The following SHB variants were observed in gnomAD, a reference collection of about 807,000 sequenced individuals.
The protein encoded by SHB is SH2 domain containing adaptor protein B, also known as SH2 domain-containing adapter protein B.
SHB carries 20 observed loss-of-function variants against 52.3 expected under a neutral mutation model. That is an observed-to-expected ratio of 0.38 (90% CI 0.27 to 0.56). The LOEUF is 0.56. SHB is among the 20% of genes least tolerant of loss of function. SHB has a pLI of 0.71. For synonymous variants in SHB, 397 were observed against 316.5 expected, an observed-to-expected ratio of 1.25 and a Z score of -2.70; for missense variants, 825 against 723.3, an observed-to-expected ratio of 1.14 and a Z score of -1.61.
At chr9:37,939,399 T>C (rs901983992) in intron 5 of SHB, among the ~76,000 whole-genome samples, 11 of 152,226 alleles carry the variant, frequency 7.2e-5, no homozygotes, top group African/African-American at 2.7e-4. Flanking sequence ...CTGTTTCCTC[T>C]TCTGTAAAGT....
intron 5 of SHB, among the ~76,000 whole-genome samples, chr9:37,947,577 C>T (rs1832507207): frequency 6.6e-6 from 1 of 152,360 alleles, no homozygotes; most frequent in African/African-American, 2.4e-5. Flanking sequence ...GCCTGCCGCC[C>T]TCCTGACTCT....
At chr9:38,061,023 C>T (rs188056436) in intron 1 of SHB, among the ~76,000 whole-genome samples, 4 of 152,328 alleles carry the variant, frequency 2.6e-5, no homozygotes, top group African/African-American at 9.6e-5. Flanking sequence ...ACGACCACCA[C>T]CTTTGTCCTG....
At chr9:38,018,554 G>C (rs1821246039) in intron 1 of SHB, among the ~76,000 whole-genome samples, 1 of 151,942 alleles carries the variant, frequency 6.6e-6, no homozygotes, top group African/African-American at 2.4e-5. Context: ...AAGCAAATTG[G>C]AAAGTTCCTA....
chr9:38,038,233 C>G (rs1821514919), intron 1 of SHB, among the ~76,000 whole-genome samples: 1 of 152,184 alleles, frequency 6.6e-6, no homozygotes. Flanking sequence ...CAGGCGTGGT[C>G]AGGTCAGGCG....
At chr9:37,953,368 C>T (rs1832589047) in intron 4 of SHB, among the ~76,000 whole-genome samples, 1 of 151,732 alleles carries the variant, frequency 6.6e-6, no homozygotes. Context: ...AGTTCCTGCC[C>T]TCATGGAGTT....
Position 37,917,181 on chromosome 9 carries a change from T to C in SHB, c.*2640A>G, listed in dbSNP as rs549443742. On this transcript the variant is annotated 3_prime_UTR_variant, in exon 6 of 6. Coordinates refer to ENST00000377707, the MANE Select transcript of SHB (RefSeq NM_003028.3). Reference sequence around the variant, plus strand: ...AGGCTGACACAGGAAACGGTCACAATTAGAGGAAGAAGAGGGAGAGGTTCA... The same window carrying C: ...AGGCTGACACAGGAAACGGTCACAACTAGAGGAAGAAGAGGGAGAGGTTCA... Among the ~76,000 whole-genome samples the C allele has an allele frequency of 6.6e-6, 1 of 151,974 alleles. No individual in the cohort carries two copies.
chr9:37,975,659 C>T (rs991559332), intron 2 of SHB, among the ~76,000 whole-genome samples: 1 of 152,174 alleles, frequency 6.6e-6, no homozygotes, highest in Non-Finnish European at 1.5e-5. Flanking sequence ...TCAGGCACTT[C>T]CCAGTCAAAC....
intron 2 of SHB, among the ~76,000 whole-genome samples, chr9:37,976,170 G>A (rs1325391940): frequency 6.6e-6 from 1 of 152,082 alleles, no homozygotes; most frequent in East Asian, 1.9e-4. Flanking sequence ...CAAATAGCTA[G>A]GAGCACAAAT....
intron 1 of SHB, among the ~76,000 whole-genome samples, chr9:38,052,930 T>C (rs1821769434): frequency 1.3e-5 from 2 of 152,210 alleles, no homozygotes; most frequent in Non-Finnish European, 1.5e-5. Context: ...CCATGCTGCC[T>C]CCTCCATGAA....
chr9:38,009,226 T>C (rs80312074), intron 2 of SHB, among the ~76,000 whole-genome samples: 1,986 of 152,306 alleles, frequency 0.013, 43 homozygotes, highest in African/African-American at 0.045. Flanking sequence ...AATGGTGTCC[T>C]GTCTGTCCTG....
chr9:37,971,990 G>A lies in SHB; in HGVS notation c.1054+2632C>T, dbSNP rs139577002. On this transcript the variant is annotated intron_variant, in intron 3 of 5. Transcript: ENST00000377707. ...GACTCATAGGCCTGGGATGGGACCT[G>A]AGACCCTGCATTTCTAACCAGCACT... Among the ~76,000 whole-genome samples the A allele has an allele frequency of 8.8e-3, 1,341 of 152,298 alleles. 10 individuals are homozygous for A. The highest frequency in any genetic ancestry group is 0.031 in the Middle Eastern group (9 of 294).
At position 38,054,151 on chromosome 9, in the gene SHB, C is replaced by T. The variant is rs555701918; in HGVS notation, c.717+13778G>A. 5.9e-5 allele frequency among the ~76,000 whole-genome samples: 9 copies of T among 152,330 alleles called. No homozygotes were observed. The East Asian group carries it at 1.3e-3, about 23-fold the overall frequency. On this transcript the variant is annotated intron_variant, in intron 1 of 5. Coordinates refer to ENST00000377707, the MANE Select transcript of SHB (RefSeq NM_003028.3). ...GGCTAGGATTTGAGCTCTGGACTTC[C>T]GACCCTAAAGCCAGTGAGTGTTTCA...
rs182335988 is a variant in SHB, at chr9:37,982,330, T to C, written c.839-7493A>G. The stretch of plus-strand genomic sequence containing the variant: ...CAACATGGTAAAACCCCGTCTCTAC[T>C]AAAAATACAAAAATTAGAGGGGTGT... On this transcript the variant is annotated intron_variant, in intron 2 of 5. Coordinates refer to ENST00000377707, the MANE Select transcript of SHB (RefSeq NM_003028.3). 3.2e-3 allele frequency among the ~76,000 whole-genome samples: 479 copies of C among 152,006 alleles called. 3 individuals carry two copies. Among genetic ancestry groups the C allele is most frequent in the Middle Eastern group, 0.01 (3 of 294 alleles).
At chr9:38,011,209 C>G (rs1238180921) in intron 2 of SHB, among the ~76,000 whole-genome samples, 2 of 152,182 alleles carry the variant, frequency 1.3e-5, no homozygotes, top group Non-Finnish European at 2.9e-5. Flanking sequence ...GTGAAGCTAG[C>G]TGCCTGATCA....
intron 1 of SHB, among the ~76,000 whole-genome samples, chr9:38,060,974 T>C (rs1259580878): frequency 6.6e-6 from 1 of 152,146 alleles, no homozygotes; most frequent in African/African-American, 2.4e-5. Flanking sequence ...TAGCAATTGC[T>C]CAGTCAGCAC....
rs76289757 is a variant in SHB, at chr9:38,030,601, G to A, written c.718-14470C>T. ...TATAGTTTCCAGGGCTAGCTTCACA[G>A]GTGAGTGGCCTGTGCAGTCGCAAAA... is the stretch of plus-strand genomic sequence containing the variant. On this transcript the variant is annotated intron_variant, in intron 1 of 5. Coordinates refer to ENST00000377707, the MANE Select transcript of SHB (RefSeq NM_003028.3). 7.8e-3 allele frequency among the ~76,000 whole-genome samples: 1,185 copies of A among 152,270 alleles called. 18 individuals are homozygous for A. Among genetic ancestry groups the A allele is most frequent in the African/African-American group, 0.028 (1,153 of 41,550 alleles).
chr9:37,987,397 G>A (rs1241666172), intron 2 of SHB, among the ~76,000 whole-genome samples: 1 of 152,192 alleles, frequency 6.6e-6, no homozygotes, highest in African/African-American at 2.4e-5. Flanking sequence ...GAAGCAGTCT[G>A]GCTCCAAAGT....
chr9:38,068,255 A>G lies in SHB; in HGVS notation c.391T>C (p.Ser131Pro), dbSNP rs1389263098. 2 of 1,435,932 alleles carry G rather than the reference A, an allele frequency of 1.4e-6. No individual in the cohort carries two copies. The highest frequency in any genetic ancestry group is 3.0e-5 in the African/African-American group (2 of 66,826). 88.9% of individuals were successfully genotyped at this position (1,435,932 alleles called of 1,614,324 possible). ...PGGVQRAFSA[S>P]SASGAAGCCC... ...CAGCCCGCGGCGCCCGACGCGGACG[A>G]GGCCGAGAAGGCGCGCTGGACCCCG... The change falls in exon 1 of 6, where the codon TCG becomes CCG. Residue 131 changes from serine to proline, a missense_variant. By Grantham distance (74) the Ser-to-Pro change is moderately conservative. Transcript: ENST00000377707.
intron 5 of SHB, among the ~76,000 whole-genome samples, chr9:37,924,349 G>C (rs779401940): frequency 6.6e-6 from 1 of 152,202 alleles, no homozygotes; most frequent in African/African-American, 2.4e-5. Context: ...AGCAGGGTGC[G>C]AGGCCTCACC....
Sources: gnomAD v4.1 joint callset for allele counts (sites outside exome capture counted in the v4.1 genomes callset) on GRCh38, gnomAD v4.1.1 for gene constraint, MANE v1.5 for transcripts, NCBI Gene and HGNC (gene_info 2026-07-23, HGNC 2026-07-21) for gene names.